FAM228A: variants seen among roughly 807,000 people sequenced by gnomAD.
The protein encoded by FAM228A is family with sequence similarity 228 member A.
In FAM228A, 13 loss-of-function variants were observed where a neutral mutation model predicts 18.6. The ratio of observed to expected loss-of-function variants is 0.70; its 90% confidence interval spans 0.45 to 1.11. FAM228A has a LOEUF of 1.11. Ranked by LOEUF, FAM228A falls within the 50% of genes least tolerant of loss-of-function variation. The pLI, the probability that FAM228A is intolerant of heterozygous loss-of-function variation, is 0.00. For missense variants in FAM228A, 240 were observed against 242.2 expected (o/e 0.99, Z 0.06); for synonymous variants, 77 against 86.6 (o/e 0.89, Z 0.61).
rs1668084562 is a variant in FAM228A, at chr2:24,191,472, G to A, written c.*841G>A. 1 of 985,446 alleles carries A rather than the reference G, an allele frequency of 1.0e-6. No individual in the cohort carries two copies. 61.0% of individuals were successfully genotyped at this position (985,446 alleles called of 1,614,324 possible). On this transcript the variant is annotated 3_prime_UTR_variant, in exon 6 of 6. Transcript: ENST00000295150. ...GTGACTCTTCAGCAGTTTCCTCTGA[G>A]CATAATTATATCTGAGAGCACAGGG...
intron 3 of FAM228A, chr2:24,179,134 T>TGTG: frequency 9.1e-7 from 1 of 1,102,052 alleles, no homozygotes; most frequent in South Asian, 2.2e-5. Context: ...ATTTTCAGCA[T>TGTG]GTGGATACTT....
rs771143881 is a variant in FAM228A, at chr2:24,190,409, CAG to C, written c.402-2_402-1del. ...AGACAATTTTTTCTGCTTTTCTTCA[CAG>C]TCCTGAAAAGCTCATCTATGCAGAC... On this transcript the variant is annotated splice_acceptor_variant, in intron 5 of 5. Transcript: ENST00000295150. LOFTEE classifies it high-confidence loss of function. 6.3e-7 allele frequency: 1 copy of C among 1,590,094 alleles called. No individual in the cohort carries two copies.
At chr2:24,184,027 CAG>C (rs1271880094) in intron 5 of FAM228A, among the ~76,000 whole-genome samples, 1 of 152,160 alleles carries the variant, frequency 6.6e-6, no homozygotes, top group Non-Finnish European at 1.5e-5. Flanking sequence ...TTCATATAAA[CAG>C]AACCTGAAAG....
intron 3 of FAM228A, among the ~76,000 whole-genome samples, chr2:24,182,458 G>T (rs2151044104): frequency 6.6e-6 from 1 of 152,288 alleles, no homozygotes; most frequent in East Asian, 1.9e-4. Flanking sequence ...GCACTGGGAT[G>T]AGTGCTGTGG....
At position 24,177,875 on chromosome 2, in the gene FAM228A, G is replaced by T; in HGVS notation, c.162+5G>T. 1 of 1,594,088 alleles carries T rather than the reference G, an allele frequency of 6.3e-7. No homozygotes were observed. Among genetic ancestry groups the T allele is most frequent in the South Asian group, 1.1e-5 (1 of 89,516 alleles). On this transcript the variant is annotated splice_donor_5th_base_variant and intron_variant, in intron 3 of 5. Coordinates refer to ENST00000295150, the MANE Select transcript of FAM228A (RefSeq NM_001040710.3). ...AAAGAAAATTCCATTGTGAAGGTAA[G>T]AGTTGGCTCCACGCTGCATTCTACA...
chr2:24,183,287 T>A lies in FAM228A; in HGVS notation c.165T>A (p.Val55=). Residue 55 remains valine, a splice_region_variant and synonymous_variant, in exon 4 of 6, where the codon GTT becomes GTA. Transcript: ENST00000295150. ...AAAGAGTCTCATTTCTCTTGTAGGT[T>A]ACAGTCCCACCATTTGTTGATCCTC... ...ILFKENSIVK[V]TVPPFVDPLF... is the part of the protein sequence containing the mutation. The A allele has an allele frequency of 6.2e-7, 1 of 1,611,470 alleles. No individual in the cohort carries two copies. The highest frequency in any genetic ancestry group is 8.5e-7 in the Non-Finnish European group (1 of 1,177,608).
intron 5 of FAM228A, among the ~76,000 whole-genome samples, chr2:24,188,201 C>A (rs1375655935): frequency 6.6e-6 from 1 of 151,788 alleles, no homozygotes; most frequent in East Asian, 1.9e-4. Flanking sequence ...GTTGTTAAAC[C>A]CATCCTTTGA....
At chr2:24,178,716 T>G (rs1667748289) in intron 3 of FAM228A, among the ~76,000 whole-genome samples, 1 of 152,192 alleles carries the variant, frequency 6.6e-6, no homozygotes, top group Admixed American at 6.5e-5. Flanking sequence ...TGTCAAAGTC[T>G]AGTGCGCTTT....
chr2:24,181,849 C>G (rs1041719511), intron 3 of FAM228A, among the ~76,000 whole-genome samples: 1 of 152,086 alleles, frequency 6.6e-6, no homozygotes, highest in Non-Finnish European at 1.5e-5. Context: ...AAAAGCATTT[C>G]CTTTGAGTTT....
chr2:24,184,845 A>G (rs1268225967), intron 5 of FAM228A, among the ~76,000 whole-genome samples: 1 of 140,096 alleles, frequency 7.1e-6, no homozygotes, highest in South Asian at 2.3e-4. Context: ...TTTTTTTGAG[A>G]TGGAGTCTCA....
intron 3 of FAM228A, chr2:24,179,048 C>T (rs981284292): frequency 2.9e-5 from 21 of 732,082 alleles, no homozygotes; most frequent in Non-Finnish European, 3.7e-5. Context: ...CCCCCTTACT[C>T]GAATGATAGT....
intron 2 of FAM228A, among the ~76,000 whole-genome samples, chr2:24,177,399 C>A (rs1667716318): frequency 6.6e-6 from 1 of 152,190 alleles, no homozygotes; most frequent in African/African-American, 2.4e-5. Context: ...AGGATTATAC[C>A]ACTGCCCTGC....
intron 2 of FAM228A, chr2:24,176,176 A>G (rs1237741428): frequency 4.1e-6 from 4 of 984,620 alleles, no homozygotes; most frequent in Non-Finnish European, 4.8e-6. Context: ...TCAAGAATGT[A>G]CATAACATTT....
chr2:24,181,304 C>G (rs1007090956), intron 3 of FAM228A, among the ~76,000 whole-genome samples: 1 of 152,148 alleles, frequency 6.6e-6, no homozygotes, highest in Admixed American at 6.5e-5. Context: ...AGTGATTTTT[C>G]CCTTAAGTAT....
chr2:24,175,343 T>C (rs1254911158), intron 1 of FAM228A, 124 bp from the exon 2 acceptor site: 1 of 712,408 alleles, frequency 1.4e-6, no homozygotes, highest in East Asian at 2.7e-5. Context: ...TCCCAGTTTG[T>C]TGGGTGACTC....
In FAM228A at chr2:24,190,250, G is replaced by A. The variant is rs192004315; in HGVS notation, c.402-162G>A. 4.3e-3 allele frequency among the ~76,000 whole-genome samples: 649 copies of A among 152,262 alleles called. 1 individual carries two copies. The highest frequency in any genetic ancestry group is 0.01 in the African/African-American group (436 of 41,566). On this transcript the variant is annotated intron_variant, in intron 5 of 5. Transcript: ENST00000295150. ...CTAGGAATTGGGCCAGCAGAGGTAC[G>A]GACAGGGCAGGCAGATTGAGGGACA...
At position 24,191,418 on chromosome 2, in the gene FAM228A, A is replaced by G. The variant is rs1456137774; in HGVS notation, c.*787A>G. 3.1e-5 allele frequency: 31 copies of G among 985,242 alleles called. No homozygotes were observed. Among genetic ancestry groups the G allele is most frequent in the Non-Finnish European group, 3.5e-5 (29 of 829,842 alleles). 61.0% of individuals were successfully genotyped at this position (985,242 alleles called of 1,614,324 possible). ...CTGTCCCCGGTCTCTCCAGGGAGTA[A>G]GGGATTCTCCGTCTGTGGTAAGTTA... On this transcript the variant is annotated 3_prime_UTR_variant, in exon 6 of 6. Transcript: ENST00000295150.
chr2:24,183,410 G>C, intron 4 of FAM228A, 38 bp downstream of exon 4: 1 of 1,608,322 alleles, frequency 6.2e-7, no homozygotes, highest in Non-Finnish European at 8.5e-7. Context: ...TTTTGAGACT[G>C]CTAATTGTCC....
intron 2 of FAM228A, chr2:24,176,009 A>G (rs1220035226): frequency 7.0e-6 from 7 of 994,426 alleles, no homozygotes; most frequent in African/African-American, 1.7e-5. Flanking sequence ...GAGATGCTTA[A>G]TTTTTCTATG....
Sources: gnomAD v4.1 joint callset for allele counts (sites outside exome capture counted in the v4.1 genomes callset) on GRCh38, gnomAD v4.1.1 for gene constraint, MANE v1.5 for transcripts, NCBI Gene and HGNC (gene_info 2026-07-23, HGNC 2026-07-21) for gene names.